Variants in COL11A1 observed in about 807,000 individuals in gnomAD.
COL11A1 encodes the protein collagen alpha-1(XI) chain.
COL11A1 carries 74 observed loss-of-function variants against 265.2 expected under a neutral mutation model. That is an observed-to-expected ratio of 0.28 (90% CI 0.23 to 0.34). The LOEUF is 0.34. COL11A1 is among the 10% of genes least tolerant of loss of function. COL11A1 has a pLI of 1.00. For missense variants in COL11A1, 2,165 were observed against 2,263.6 expected (o/e 0.96, Z 0.88); for synonymous variants, 816 against 727.6 (o/e 1.12, Z -1.96).
intron 66 of COL11A1, 79 bp from the exon 67 acceptor site, chr1:102,878,244 G>A: frequency 7.7e-7 from 1 of 1,301,048 alleles, no homozygotes; most frequent in Non-Finnish European, 1.1e-6. Context: ...TTGGGCTTCT[G>A]AGTGGAGGTA....
intron 1 of COL11A1, among the ~76,000 whole-genome samples, chr1:103,096,227 G>A (rs1290665380): frequency 1.3e-5 from 2 of 152,052 alleles, no homozygotes; most frequent in East Asian, 1.9e-4. Context: ...GGAATCAGGC[G>A]GCAGTGAGGA....
chr1:103,016,214 A>G (rs777264351), intron 11 of COL11A1, among the ~76,000 whole-genome samples: 3 of 152,012 alleles, frequency 2.0e-5, no homozygotes, highest in African/African-American at 7.2e-5. Flanking sequence ...TACATACTAT[A>G]TTTTAATAGA....
At chr1:103,052,929 C>T (rs1245062610) in intron 4 of COL11A1, among the ~76,000 whole-genome samples, 1 of 152,076 alleles carries the variant, frequency 6.6e-6, no homozygotes, top group Non-Finnish European at 1.5e-5. Context: ...CTGGTAATTA[C>T]AGACAAACAA....
chr1:103,050,819 A>G (rs1435689346), intron 4 of COL11A1, among the ~76,000 whole-genome samples: 2 of 152,224 alleles, frequency 1.3e-5, no homozygotes, highest in African/African-American at 4.8e-5. Flanking sequence ...TCCTTCTAAC[A>G]GACAGGTCCG....
chr1:102,993,526 T>G (rs1436774584), intron 28 of COL11A1, among the ~76,000 whole-genome samples: 4 of 152,138 alleles, frequency 2.6e-5, no homozygotes, highest in Non-Finnish European at 5.9e-5. Flanking sequence ...TTCATTTGTA[T>G]TATTGTATAT....
chr1:103,059,053 A>C (rs1250059133), intron 4 of COL11A1, among the ~76,000 whole-genome samples: 1 of 152,180 alleles, frequency 6.6e-6, no homozygotes, highest in African/African-American at 2.4e-5. Context: ...TGATGCCAAC[A>C]GACTTGCTTG....
At chr1:102,904,573 C>T (rs1653664156) in intron 54 of COL11A1, among the ~76,000 whole-genome samples, 1 of 151,808 alleles carries the variant, frequency 6.6e-6, no homozygotes, top group South Asian at 2.1e-4. Context: ...AGGATATGAA[C>T]AGACAGTTCT....
rs12135531 is a variant in COL11A1, at chr1:103,002,040, A to G, written c.2098-71T>C. The stretch of plus-strand genomic sequence containing the variant: ...TAATATGCTTTTAAAACAGCAAATT[A>G]TTAGCTCACTATAGTACACAGTGAG... On this transcript the variant is annotated intron_variant, in intron 23 of 66. Transcript: ENST00000370096. 163,897 of 1,263,444 alleles carry G rather than the reference A, an allele frequency of 0.13. 11,879 individuals carry two copies. The highest frequency in any genetic ancestry group is 0.17 in the Admixed American group (9,943 of 59,192). The allele number at this position is 1,263,444 out of a possible 1,614,324, so 78.3% of individuals were successfully genotyped here.
At chr1:103,093,416 A>G (rs1232204993) in intron 1 of COL11A1, among the ~76,000 whole-genome samples, 1 of 152,166 alleles carries the variant, frequency 6.6e-6, no homozygotes, top group East Asian at 1.9e-4. Context: ...TTTTTCATGC[A>G]TATGAAACAG....
At chr1:102,998,471 C>A (rs1470391032) in intron 24 of COL11A1, 108 bp from the exon 25 acceptor site, 2 of 663,060 alleles carry the variant, frequency 3.0e-6, no homozygotes, top group South Asian at 2.4e-5. Context: ...GGCTTCAATT[C>A]ATAAGTAATA....
At chr1:102,894,212 A>C (rs1652105812) in intron 57 of COL11A1, among the ~76,000 whole-genome samples, 1 of 152,186 alleles carries the variant, frequency 6.6e-6, no homozygotes, top group Non-Finnish European at 1.5e-5. Context: ...CAGAGGGTAG[A>C]ATTTAGACAT....
Position 103,082,984 on chromosome 1 carries a change from G to A in COL11A1, c.107-12C>T, listed in dbSNP as rs200564243. On this transcript the variant is annotated splice_polypyrimidine_tract_variant and intron_variant, in intron 1 of 66. Transcript: ENST00000370096. ...ATCAACTGGAGCAGCTGAAAAATAA[G>A]CAAACAATAAAAAACCAGAATTGAA... 50 of 1,611,484 alleles carry A rather than the reference G, an allele frequency of 3.1e-5. No homozygotes were observed. Among genetic ancestry groups the A allele is most frequent in the African/African-American group, 1.1e-4 (8 of 74,768 alleles).
intron 28 of COL11A1, among the ~76,000 whole-genome samples, chr1:102,995,568 T>C (rs909635957): frequency 6.6e-5 from 10 of 151,318 alleles, no homozygotes; most frequent in African/African-American, 2.4e-4. Context: ...AATCCATTCG[T>C]AAGGCCAACC....
intron 29 of COL11A1, among the ~76,000 whole-genome samples, chr1:102,988,304 C>A (rs1228337925): frequency 3.3e-5 from 5 of 152,142 alleles, no homozygotes; most frequent in Non-Finnish European, 1.5e-5. Context: ...CAGCAGTTCT[C>A]ATTTCCTAGC....
At chr1:102,967,304 G>A (rs553681851) in intron 37 of COL11A1, among the ~76,000 whole-genome samples, 1 of 126,666 alleles carries the variant, frequency 7.9e-6, no homozygotes, top group Non-Finnish European at 1.6e-5. Flanking sequence ...GCAGTGGCGC[G>A]ATCTCGGCTC....
At chr1:102,944,773 A>T (rs1659083243) in intron 42 of COL11A1, among the ~76,000 whole-genome samples, 1 of 152,162 alleles carries the variant, frequency 6.6e-6, no homozygotes, top group South Asian at 2.1e-4. Flanking sequence ...TTATCTAATT[A>T]GTATATTCTC....
At chr1:103,100,705 G>C (rs1674194484) in intron 1 of COL11A1, 1 of 152,114 alleles carries the variant, frequency 6.6e-6, no homozygotes. Flanking sequence ...CTAGGAGGCT[G>C]TATAGAAGCA....
At chr1:102,915,378 A>T (rs1364383805) in intron 50 of COL11A1, among the ~76,000 whole-genome samples, 1 of 152,240 alleles carries the variant, frequency 6.6e-6, no homozygotes, top group Non-Finnish European at 1.5e-5. Context: ...AAGGGAATGT[A>T]TACAGTAAAC....
intron 46 of COL11A1, among the ~76,000 whole-genome samples, chr1:102,928,220 A>G (rs1213994111): frequency 6.6e-6 from 1 of 151,904 alleles, no homozygotes; most frequent in Non-Finnish European, 1.5e-5. Context: ...ATCTAGCATT[A>G]GGTATATCTC....
Sources: allele counts gnomAD v4.1 joint callset (sites outside exome capture counted in the v4.1 genomes callset), GRCh38; gene constraint gnomAD v4.1.1; transcripts MANE v1.5; gene names NCBI Gene and HGNC (gene_info 2026-07-23, HGNC 2026-07-21).